The following TGFB2 variants were observed in gnomAD, a reference collection of about 807,000 sequenced individuals.
TGFB2 encodes transforming growth factor beta 2.
TGFB2 carries 13 observed loss-of-function variants against 42.7 expected under a neutral mutation model. That is an observed-to-expected ratio of 0.30 (90% CI 0.20 to 0.48). The LOEUF (loss-of-function observed/expected upper bound fraction) is 0.48. Ranked by LOEUF, TGFB2 falls within the 20% of genes least tolerant of loss-of-function variation. The pLI, the probability that TGFB2 is intolerant of heterozygous loss-of-function variation, is 0.99. For missense variants in TGFB2, 390 were observed against 517.5 expected, an observed-to-expected ratio of 0.75 and a Z score of 2.39; for synonymous variants, 193 against 193.6, an observed-to-expected ratio of 1.00 and a Z score of 0.03.
At chr1:218,417,732 C>CTG (rs1659328288) in intron 2 of TGFB2, among the ~76,000 whole-genome samples, 1 of 152,220 alleles carries the variant, frequency 6.6e-6, no homozygotes, top group Non-Finnish European at 1.5e-5. Flanking sequence ...GGTCCCTGTG[C>CTG]TGTGTGCAGG....
At chr1:218,401,590 G>T (rs748508265) in intron 1 of TGFB2, among the ~76,000 whole-genome samples, 1 of 152,202 alleles carries the variant, frequency 6.6e-6, no homozygotes, top group Admixed American at 6.5e-5. Flanking sequence ...CAGGATGTGA[G>T]TGTGGATAAG....
intron 2 of TGFB2, among the ~76,000 whole-genome samples, chr1:218,424,389 A>G (rs1371830091): frequency 6.6e-6 from 1 of 152,236 alleles, no homozygotes; most frequent in African/African-American, 2.4e-5. Flanking sequence ...ATATATGTGT[A>G]ATTTGCATTT....
Position 218,424,483 on chromosome 1 carries a change from G to A in TGFB2, c.511-9599G>A, listed in dbSNP as rs565636408. Among the ~76,000 whole-genome samples the A allele has an allele frequency of 2.2e-3, 337 of 152,310 alleles. 2 individuals carry two copies. Among genetic ancestry groups the A allele is most frequent in the Non-Finnish European group, 3.9e-3 (262 of 68,022 alleles). On this transcript the variant is annotated intron_variant, in intron 2 of 6. Transcript: ENST00000366930. Reference sequence around the variant, plus strand: ...CTGGTTAGCAGCTTCTACATCACCTGGGAACTTGTTAGAAATGCAGATTCT... The same window carrying A: ...CTGGTTAGCAGCTTCTACATCACCTAGGAACTTGTTAGAAATGCAGATTCT...
chr1:218,364,309 G>C (rs979602941), intron 1 of TGFB2, among the ~76,000 whole-genome samples: 2 of 152,178 alleles, frequency 1.3e-5, no homozygotes, highest in Admixed American at 6.5e-5. Flanking sequence ...CCAGCACCAG[G>C]TGTTAGGCTG....
At chr1:218,356,150 T>C (rs186265688) in intron 1 of TGFB2, among the ~76,000 whole-genome samples, 133 of 152,290 alleles carry the variant, frequency 8.7e-4, no homozygotes, top group Admixed American at 3.1e-3. Context: ...AATCAAAATT[T>C]TTTTGTTTTT....
At chr1:218,366,916 C>A (rs1050145105) in intron 1 of TGFB2, among the ~76,000 whole-genome samples, 2 of 152,144 alleles carry the variant, frequency 1.3e-5, no homozygotes, top group Admixed American at 6.5e-5. Context: ...ACCTACAGCC[C>A]CTGTGGAGTT....
At chr1:218,377,090 G>T (rs1040562812) in intron 1 of TGFB2, among the ~76,000 whole-genome samples, 6 of 152,178 alleles carry the variant, frequency 3.9e-5, no homozygotes, top group Admixed American at 3.9e-4. Context: ...ATAGAGATGA[G>T]GTCTCACTTT....
rs563336498 is a variant in TGFB2 at position 218,421,863 on chromosome 1, T to C, written c.511-12219T>C. ...TGCCATGTGAAGATGAAGGCAGAAA[T>C]TGAAGCTATGCAACTATAGCCAAGG... On this transcript the variant is annotated intron_variant, in intron 2 of 6. Coordinates refer to ENST00000366930, the MANE Select transcript of TGFB2 (RefSeq NM_003238.6). Among the ~76,000 whole-genome samples the C allele has an allele frequency of 8.5e-5, 13 of 152,138 alleles. No homozygotes were observed. In the South Asian group the frequency reaches 2.7e-3, roughly 32 times the overall value.
At chr1:218,423,696 A>G (rs1019944153) in intron 2 of TGFB2, among the ~76,000 whole-genome samples, 9 of 152,160 alleles carry the variant, frequency 5.9e-5, no homozygotes, top group African/African-American at 1.7e-4. Context: ...TTGTGTTATC[A>G]ATACTGAACT....
At chr1:218,417,737 T>C (rs1189663219) in intron 2 of TGFB2, among the ~76,000 whole-genome samples, 1 of 152,204 alleles carries the variant, frequency 6.6e-6, no homozygotes, top group Non-Finnish European at 1.5e-5. Context: ...CTGTGCTGTG[T>C]GCAGGCTAGG....
chr1:218,413,858 A>G (rs973495565), intron 2 of TGFB2, among the ~76,000 whole-genome samples: 2 of 152,238 alleles, frequency 1.3e-5, no homozygotes, highest in Non-Finnish European at 2.9e-5. Context: ...GATATAAAAC[A>G]GTGGTGAAAT....
chr1:218,380,662 A>G (rs1312974025), intron 1 of TGFB2, among the ~76,000 whole-genome samples: 3 of 152,082 alleles, frequency 2.0e-5, no homozygotes, highest in Non-Finnish European at 4.4e-5. Flanking sequence ...TTGTAAGTGT[A>G]ATATTTACCA....
In TGFB2 at chr1:218,431,398, G is replaced by C. The variant is rs10482790; in HGVS notation, c.511-2684G>C. On this transcript the variant is annotated intron_variant, in intron 2 of 6. Coordinates refer to ENST00000366930, the MANE Select transcript of TGFB2 (RefSeq NM_003238.6). The stretch of plus-strand genomic sequence containing the variant: ...TTCTATAAGGTGGAAGATTTATATA[G>C]ATTTGGCATTATGTGTCTTTTCTGC... Among the ~76,000 whole-genome samples the C allele has an allele frequency of 2.0e-5, 3 of 152,202 alleles. No individual in the cohort carries two copies. The South Asian group carries it at 6.2e-4, about 32-fold the overall frequency.
In TGFB2 at chr1:218,443,754, C is replaced by T. The variant is rs1310103375; in HGVS notation, c.*2392C>T. 2 of 149,580 alleles carry T rather than the reference C, an allele frequency of 1.3e-5. No individual in the cohort carries two copies. The highest frequency in any genetic ancestry group is 3.0e-5 in the Non-Finnish European group (2 of 67,656). 9.3% of individuals were successfully genotyped at this position (149,580 alleles called of 1,614,324 possible). A position where few individuals can be genotyped will look rare whatever the true frequency, so the allele number is the denominator to read the frequency against. On this transcript the variant is annotated 3_prime_UTR_variant, in exon 7 of 7. Coordinates refer to ENST00000366930, the MANE Select transcript of TGFB2 (RefSeq NM_003238.6). ...GGGGGTTCTGTAAGGTCTTTATTTC[C>T]CATAAGTAAATATTGCCATGGGAGG... is the stretch of plus-strand genomic sequence containing the variant.
intron 4 of TGFB2, among the ~76,000 whole-genome samples, chr1:218,435,408 GC>G (rs2102627852): frequency 6.6e-6 from 1 of 152,284 alleles, no homozygotes; most frequent in East Asian, 1.9e-4. Context: ...TGTTGAGGAT[GC>G]CATAAAATAA....
At chr1:218,368,940 C>T (rs1657478829) in intron 1 of TGFB2, among the ~76,000 whole-genome samples, 1 of 151,944 alleles carries the variant, frequency 6.6e-6, no homozygotes, top group Non-Finnish European at 1.5e-5. Flanking sequence ...TGGTTTTAGC[C>T]AGAGGGCCGT....
At chr1:218,435,382 G>C (rs1304662327) in intron 4 of TGFB2, among the ~76,000 whole-genome samples, 1 of 152,184 alleles carries the variant, frequency 6.6e-6, no homozygotes. Flanking sequence ...CTAAATCTCA[G>C]ATGGAATCAG....
In TGFB2 at chr1:218,442,698, G is replaced by A. The variant is rs969090344; in HGVS notation, c.*1336G>A. The A allele has an allele frequency of 6.6e-6, 1 of 151,778 alleles. No homozygotes were observed. Among genetic ancestry groups the A allele is most frequent in the Non-Finnish European group, 1.5e-5 (1 of 67,940 alleles). 9.4% of individuals were successfully genotyped at this position (151,778 alleles called of 1,614,324 possible). On this transcript the variant is annotated 3_prime_UTR_variant, in exon 7 of 7. Transcript: ENST00000366930. ...TTTTTTTTGTTTCACAGAAAAGATG[G>A]GTTCGAGTTCAGTGGTCTTCATCTT...
At chr1:218,380,957 A>G (rs1657938963) in intron 1 of TGFB2, among the ~76,000 whole-genome samples, 1 of 152,164 alleles carries the variant, frequency 6.6e-6, no homozygotes, top group Non-Finnish European at 1.5e-5. Context: ...AGATGCTATT[A>G]TTATCCCTAC....
Sources: allele counts gnomAD v4.1 joint callset (sites outside exome capture counted in the v4.1 genomes callset), GRCh38; gene constraint gnomAD v4.1.1; transcripts MANE v1.5; gene names NCBI Gene and HGNC (gene_info 2026-07-23, HGNC 2026-07-21).